The following LRP1B variants were observed in gnomAD, a reference collection of about 807,000 sequenced individuals.
LRP1B encodes LDL receptor related protein 1B.
LRP1B carries 217 observed loss-of-function variants against 556.6 expected under a neutral mutation model. The observed-to-expected ratio is 0.39, with a 90% CI of 0.35 to 0.44. LRP1B has a LOEUF of 0.44. Ranked by LOEUF, LRP1B falls within the 20% of genes least tolerant of loss-of-function variation. LRP1B has a pLI of 1.00. For missense variants in LRP1B, 5,053 were observed against 5,620.8 expected (o/e 0.90, Z 3.23); for synonymous variants, 2,047 against 1,865.8 (o/e 1.10, Z -2.50).
intron 2 of LRP1B, among the ~76,000 whole-genome samples, chr2:141,601,910 A>G (rs979799233): frequency 1.3e-5 from 2 of 151,980 alleles, no homozygotes; most frequent in African/African-American, 4.8e-5. Flanking sequence ...CCTTAGCATT[A>G]TTTTCTTAAG....
intron 2 of LRP1B, among the ~76,000 whole-genome samples, chr2:141,737,635 T>A (rs568901105): frequency 6.6e-6 from 1 of 152,278 alleles, no homozygotes; most frequent in Admixed American, 6.5e-5. Context: ...ATAGGAAAAC[T>A]AAGGGGCATG....
rs181741696 is a variant in LRP1B at position 141,063,613 on chromosome 2, C to T, written c.1014-1340G>A. Reference sequence around the variant, plus strand: ...CGATCAAATCACTGCTTGGTATGCACGCGTTCCCTCTCCCCCTCCGTCTCT... The same window carrying T: ...CGATCAAATCACTGCTTGGTATGCATGCGTTCCCTCTCCCCCTCCGTCTCT... On this transcript the variant is annotated intron_variant, in intron 7 of 90. Coordinates refer to ENST00000389484, the MANE Select transcript of LRP1B (RefSeq NM_018557.3). Among the ~76,000 whole-genome samples the T allele has an allele frequency of 3.3e-5, 5 of 151,866 alleles. No individual in the cohort carries two copies. The East Asian group carries it at 7.8e-4, about 24-fold the overall frequency.
intron 2 of LRP1B, among the ~76,000 whole-genome samples, chr2:141,514,086 C>T (rs1038170388): frequency 1.1e-4 from 16 of 152,082 alleles, no homozygotes; most frequent in African/African-American, 3.9e-4. Flanking sequence ...TATAAACTGC[C>T]CCCTGGTGAC....
At chr2:140,575,364 T>G (rs1681477865) in intron 43 of LRP1B, among the ~76,000 whole-genome samples, 1 of 152,140 alleles carries the variant, frequency 6.6e-6, no homozygotes, top group Non-Finnish European at 1.5e-5. Flanking sequence ...TCCTCCTAAT[T>G]TTGCAGACAT....
At chr2:140,794,618 CT>C (rs113754359) in intron 32 of LRP1B, among the ~76,000 whole-genome samples, 124 of 143,842 alleles carry the variant, frequency 8.6e-4, no homozygotes, top group East Asian at 1.2e-3. Flanking sequence ...TAGCCACTTT[CT>C]TTTTTTTTTT....
At chr2:140,967,705 A>G (rs1056048139) in intron 18 of LRP1B, among the ~76,000 whole-genome samples, 2 of 151,848 alleles carry the variant, frequency 1.3e-5, no homozygotes. Context: ...TTATTTTGAG[A>G]TATGTCCCAT....
At chr2:141,127,038 T>G (rs111720256) in intron 7 of LRP1B, among the ~76,000 whole-genome samples, 8,062 of 145,744 alleles carry the variant, frequency 0.055, 314 homozygotes, top group South Asian at 0.13. Context: ...GGCCCCAGTG[T>G]GTGATGTTCC....
intron 3 of LRP1B, among the ~76,000 whole-genome samples, chr2:141,472,610 T>A (rs907485216): frequency 6.6e-6 from 1 of 151,942 alleles, no homozygotes; most frequent in Non-Finnish European, 1.5e-5. Flanking sequence ...CAAATGAAGA[T>A]CCATAATGCA....
chr2:141,467,770 C>A (rs1309703469), intron 3 of LRP1B, among the ~76,000 whole-genome samples: 1 of 141,424 alleles, frequency 7.1e-6, no homozygotes, highest in Non-Finnish European at 1.5e-5. Flanking sequence ...GAAATGCAGG[C>A]ATAAATATTC....
intron 41 of LRP1B, among the ~76,000 whole-genome samples, chr2:140,686,986 A>G (rs1686072583): frequency 6.6e-6 from 1 of 152,162 alleles, no homozygotes; most frequent in Admixed American, 6.5e-5. Context: ...GAAATGCAGA[A>G]TAATGATTAC....
chr2:140,672,226 G>A (rs545477587), intron 41 of LRP1B, among the ~76,000 whole-genome samples: 2 of 152,248 alleles, frequency 1.3e-5, no homozygotes, highest in African/African-American at 2.4e-5. Flanking sequence ...AGTGGCTCAC[G>A]CCTGTAATCC....
At chr2:141,387,195 T>A (rs1456223512) in intron 3 of LRP1B, among the ~76,000 whole-genome samples, 1 of 151,878 alleles carries the variant, frequency 6.6e-6, no homozygotes, top group East Asian at 1.9e-4. Context: ...ATAAGGAAAG[T>A]TGTAGCCATA....
At chr2:141,817,489 A>G (rs1437346) in intron 1 of LRP1B, among the ~76,000 whole-genome samples, 112,478 of 151,946 alleles carry the variant, frequency 0.74, 41,755 homozygotes, top group Non-Finnish European at 0.77. Flanking sequence ...TATTTTAATA[A>G]AAATTTATAA....
chr2:141,874,143 C>T (rs1024880357), intron 1 of LRP1B, among the ~76,000 whole-genome samples: 5 of 121,472 alleles, frequency 4.1e-5, no homozygotes, highest in Non-Finnish European at 6.6e-5. Flanking sequence ...GTATTTAATC[C>T]GGAATGTTTA....
At chr2:140,593,984 A>ATT (rs113603730) in intron 43 of LRP1B, among the ~76,000 whole-genome samples, 2 of 146,806 alleles carry the variant, frequency 1.4e-5, no homozygotes, top group South Asian at 2.2e-4. Flanking sequence ...CATCATGTTA[A>ATT]TTTTTTTTTT....
intron 61 of LRP1B, 38 bp downstream of exon 61, chr2:140,457,425 G>T: frequency 1.4e-6 from 2 of 1,445,150 alleles, no homozygotes; most frequent in South Asian, 2.3e-5. Context: ...ACTGAAAGAT[G>T]TTAATGCATT....
intron 86 of LRP1B, among the ~76,000 whole-genome samples, chr2:140,267,213 A>G (rs1397894737): frequency 1.3e-5 from 2 of 152,052 alleles, no homozygotes; most frequent in Admixed American, 1.3e-4. Flanking sequence ...AAATTTATAG[A>G]GACTCAGATT....
At chr2:141,879,630 T>G (rs1288368794) in intron 1 of LRP1B, among the ~76,000 whole-genome samples, 1 of 143,396 alleles carries the variant, frequency 7.0e-6, no homozygotes, top group Non-Finnish European at 1.5e-5. Flanking sequence ...TCACTGTCTT[T>G]CATTCCTACA....
intron 2 of LRP1B, among the ~76,000 whole-genome samples, chr2:141,640,961 G>T (rs1429500195): frequency 6.6e-6 from 1 of 152,022 alleles, no homozygotes; most frequent in African/African-American, 2.4e-5. Flanking sequence ...GTATCCTTGG[G>T]GCCTGCCACG....
Sources: allele counts gnomAD v4.1 joint callset (sites outside exome capture counted in the v4.1 genomes callset), GRCh38; gene constraint gnomAD v4.1.1; transcripts MANE v1.5; gene names NCBI Gene and HGNC (gene_info 2026-07-23, HGNC 2026-07-21).